The following ESPN variants were observed in gnomAD, a reference collection of about 807,000 sequenced individuals.
ESPN encodes espin, also known as autosomal recessive deafness type 36 protein.
ESPN carries 68 observed loss-of-function variants against 77.7 expected under a neutral mutation model. The ratio of observed to expected loss-of-function variants is 0.87; its 90% CI spans 0.72 to 1.07. ESPN has a LOEUF of 1.07. Ranked by LOEUF, ESPN falls within the 50% of genes least tolerant of loss-of-function variation. ESPN has a pLI of 0.00. For synonymous variants in ESPN, 449 were observed against 567.1 expected (o/e 0.79, Z 2.96); for missense variants, 1,060 against 1,239.0 (o/e 0.86, Z 2.17).
chr1:6,451,687 C>A lies in ESPN; in HGVS notation c.2000C>A (p.Pro667Gln). 27 of 1,613,152 alleles carry A rather than the reference C, an allele frequency of 1.7e-5. No individual in the cohort carries two copies. The highest frequency in any genetic ancestry group is 2.3e-5 in the Non-Finnish European group (27 of 1,179,942). Residue 667 changes from proline (P) to glutamine (Q), a missense_variant, in exon 9 of 13, where the codon CCG becomes CAG. Transcript: ENST00000645284. The surrounding 1 kb of genome is among the most constrained non-coding windows in gnomAD (Gnocchi z 4.3). ...ATTAAGGCAGGCAAGAGCCTGAAGCCGACGCCCCAGAGCAAGGGGCTGACC... is the reference window on the plus strand; with the variant it reads ...ATTAAGGCAGGCAAGAGCCTGAAGCAGACGCCCCAGAGCAAGGGGCTGACC... ...AEIKAGKSLK[P>Q]TPQSKGLTTV...
chr1:6,461,283 G>C (rs997576431), downstream of ESPN: 3 of 974,632 alleles, frequency 3.1e-6, no homozygotes, highest in Admixed American at 6.0e-5. This position sits in a 1 kb window ranked among gnomAD's most constrained non-coding sequence, Gnocchi z 6.3. Flanking sequence ...TGGAGCGATA[G>C]GGGCGAGCAG....
rs1390630229 is a variant in ESPN, at chr1:6,433,207, A to G, written c.488+4788A>G. 7.4e-5 allele frequency among the ~76,000 whole-genome samples: 11 copies of G among 147,718 alleles called. No individual in the cohort carries two copies. In the East Asian group the frequency reaches 8.2e-4, roughly 11 times the overall value. ...TGCCTGTAATCCCAGCACTTTGGGA[A>G]GCTGAGGCGGGCGGATCACGAGGTC... is the stretch of plus-strand genomic sequence containing the variant. On this transcript the variant is annotated intron_variant, in intron 2 of 12. Transcript: ENST00000645284.
chr1:6,425,500 C>T (rs985196139), intron 1 of ESPN, among the ~76,000 whole-genome samples: 19 of 152,208 alleles, frequency 1.2e-4, no homozygotes, highest in African/African-American at 3.9e-4. Flanking sequence ...AAGGGAGGGG[C>T]CTCCGTGGGG....
intron 2 of ESPN, among the ~76,000 whole-genome samples, chr1:6,430,788 G>T (rs572112234): frequency 6.8e-6 from 1 of 147,440 alleles, no homozygotes; most frequent in Non-Finnish European, 1.5e-5. Flanking sequence ...GAAAAAAAAA[G>T]AAAAAAAAAA....
chr1:6,428,176 G>A lies in ESPN; in HGVS notation c.295-50G>A. 6.2e-7 allele frequency: 1 copy of A among 1,602,480 alleles called. No individual in the cohort carries two copies. Among genetic ancestry groups the A allele is most frequent in the Non-Finnish European group, 8.5e-7 (1 of 1,170,558 alleles). On this transcript the variant is annotated intron_variant, in intron 1 of 12. Transcript: ENST00000645284. This position sits in a 1 kb window ranked among gnomAD's most constrained non-coding sequence, Gnocchi z 5.4. Reference sequence around the variant, plus strand: ...GGAGTCTGGGAGTGGCCCAAGCCAGGGGCGGGGCAGCAACAGGCTTTAGGA... The same window carrying A: ...GGAGTCTGGGAGTGGCCCAAGCCAGAGGCGGGGCAGCAACAGGCTTTAGGA...
At chr1:6,441,295 A>C (rs1643628676) in intron 5 of ESPN, among the ~76,000 whole-genome samples, 1 of 152,198 alleles carries the variant, frequency 6.6e-6, no homozygotes, top group African/African-American at 2.4e-5. Flanking sequence ...CCAAGGGGTA[A>C]GGCTGGAGAA....
At chr1:6,457,402 C>A (rs778032621) in intron 12 of ESPN, 30 bp downstream of exon 12, 9 of 1,614,206 alleles carry the variant, frequency 5.6e-6, no homozygotes, top group African/African-American at 1.3e-5. Context: ...CAACCTGCCA[C>A]CCTTATCCCC....
chr1:6,437,496 C>G lies in ESPN; in HGVS notation c.489-2758C>G, dbSNP rs1027564294. The G allele has an allele frequency of 2.0e-5, 3 of 152,254 alleles. No individual in the cohort carries two copies. Among genetic ancestry groups the G allele is most frequent in the African/African-American group, 7.2e-5 (3 of 41,450 alleles). 9.4% of individuals were successfully genotyped at this position (152,254 alleles called of 1,614,324 possible). A position where few individuals can be genotyped will look rare whatever the true frequency, so the allele number is the denominator to read the frequency against. On this transcript the variant is annotated intron_variant, in intron 2 of 12. Coordinates refer to ENST00000645284, the MANE Select transcript of ESPN (RefSeq NM_031475.3). The surrounding 1 kb of genome is among the most constrained non-coding windows in gnomAD (Gnocchi z 4.5). Reference sequence around the variant, plus strand: ...GAAATATTCAACAGCCTGTTCCTGACGCAGCAGCATGTGAGTGTGCGTGGG... The same window carrying G: ...GAAATATTCAACAGCCTGTTCCTGAGGCAGCAGCATGTGAGTGTGCGTGGG...
Position 6,460,194 on chromosome 1 carries a change from G to T in ESPN, c.*48G>T. On this transcript the variant is annotated 3_prime_UTR_variant, in exon 13 of 13. Transcript: ENST00000645284. ...GCCTCGCAGCTCCGTGGGGCCCTCC[G>T]CCCCAGCCCCAGCCAGCCAGGCCCT... 1 of 1,588,432 alleles carries T rather than the reference G, an allele frequency of 6.3e-7. No individual in the cohort carries two copies. The highest frequency in any genetic ancestry group is 8.6e-7 in the Non-Finnish European group (1 of 1,164,332).
At position 6,448,804 on chromosome 1, in the gene ESPN, T is replaced by G. The variant is rs954222909; in HGVS notation, c.1628T>G (p.Val543Gly). ...CCGGGCATGGCGCACAGCGAGGAGG[T>G]GCGTGCCCGCCAGCCCGCGCGCGCC... ...ARPGMAHSEE[V>G]RARQPARAGC... Residue 543 changes from valine (V) to glycine (G), a missense_variant, in exon 8 of 13, where the codon GTG becomes GGG. Physicochemically the swap from Val to Gly is moderately radical, Grantham distance 109. Around this residue, in one of 3 missense-constraint regions of ESPN, gnomAD observed 130 missense variants for 223.9 expected, o/e 0.58. Transcript: ENST00000645284. 31 of 1,296,572 alleles carry G rather than the reference T, an allele frequency of 2.4e-5. 1 individual carries two copies. In the African/African-American group the frequency reaches 4.8e-4, roughly 20 times the overall value. 80.3% of individuals were successfully genotyped at this position (1,296,572 alleles called of 1,614,324 possible).
intron 2 of ESPN, among the ~76,000 whole-genome samples, chr1:6,431,722 G>T (rs1263939447): frequency 2.0e-5 from 3 of 151,910 alleles, no homozygotes; most frequent in African/African-American, 7.3e-5. Context: ...CTGGTGCTGA[G>T]TATCTTCTAG....
At chr1:6,435,536 G>A (rs1443604820) in intron 2 of ESPN, among the ~76,000 whole-genome samples, 2 of 152,242 alleles carry the variant, frequency 1.3e-5, no homozygotes, top group African/African-American at 4.8e-5. Context: ...TCGCCAGGGC[G>A]CCTCTGACCT....
chr1:6,451,931 G>A lies in ESPN; in HGVS notation c.2160G>A (p.Leu720=). Residue 720 remains leucine (L), a synonymous_variant, in exon 10 of 13, where the codon TTG becomes TTA. Transcript: ENST00000645284. The surrounding 1 kb of genome is among the most constrained non-coding windows in gnomAD (Gnocchi z 4.3). The part of the protein sequence containing the change: ...AGFQPLLNGS[L]VPVPPTTPAP... Reference sequence around the variant, plus strand: ...TTCAGCCGCTGCTCAATGGAAGCTTGGTTCCCGTGCCGCCCACTACTCCTG... The same window carrying A: ...TTCAGCCGCTGCTCAATGGAAGCTTAGTTCCCGTGCCGCCCACTACTCCTG... 1 of 1,610,754 alleles carries A rather than the reference G, an allele frequency of 6.2e-7. No homozygotes were observed. Among genetic ancestry groups the A allele is most frequent in the Non-Finnish European group, 8.5e-7 (1 of 1,178,800 alleles).
intron 8 of ESPN, among the ~76,000 whole-genome samples, chr1:6,449,801 G>A (rs1643914210): frequency 6.6e-6 from 1 of 152,134 alleles, no homozygotes; most frequent in Middle Eastern, 3.2e-3. Context: ...GGGTGGGACA[G>A]TGTCCCCCTG....
rs910573398 is a variant in ESPN at position 6,450,593 on chromosome 1, G to A, written c.1916-1010G>A. The A allele has an allele frequency of 9.2e-5, 33 of 357,806 alleles. No homozygotes were observed. The highest frequency in any genetic ancestry group is 1.6e-4 in the East Asian group (1 of 6,100). The allele number at this position is 357,806 out of a possible 1,614,324, so 22.2% of individuals were successfully genotyped here. A position where few individuals can be genotyped will look rare whatever the true frequency, so the allele number is the denominator to read the frequency against. Reference sequence around the variant, plus strand: ...AGGGCAGGGGCAGGGGCTGGCAGGCGAGAGAACCTCGAAGAATGGGTGGGG... The same window carrying A: ...AGGGCAGGGGCAGGGGCTGGCAGGCAAGAGAACCTCGAAGAATGGGTGGGG... On this transcript the variant is annotated intron_variant, in intron 8 of 12. Transcript: ENST00000645284. The surrounding 1 kb of genome is among the most constrained non-coding windows in gnomAD (Gnocchi z 4.3).
chr1:6,428,103 A>G lies in ESPN; in HGVS notation c.295-123A>G, dbSNP rs774326965. 2.1e-5 allele frequency: 22 copies of G among 1,070,496 alleles called. No individual in the cohort carries two copies. The highest frequency in any genetic ancestry group is 9.1e-5 in the South Asian group (7 of 77,038). The allele number at this position is 1,070,496 out of a possible 1,614,324, so 66.3% of individuals were successfully genotyped here. ...AACATTGCTGAATGAGGCCTGGCCA[A>G]TCCCTCCAGGGAAGACAGAGAGCAC... On this transcript the variant is annotated intron_variant, in intron 1 of 12. Transcript: ENST00000645284. The surrounding 1 kb of genome is among the most constrained non-coding windows in gnomAD (Gnocchi z 5.4).
intron 12 of ESPN, among the ~76,000 whole-genome samples, chr1:6,458,565 C>T (rs1431002237): frequency 6.6e-6 from 1 of 151,888 alleles, no homozygotes; most frequent in Non-Finnish European, 1.5e-5. Flanking sequence ...ATCCACCCGC[C>T]TCAGCCTCCC....
At chr1:6,459,685 TTGC>T (rs1323230409) in intron 12 of ESPN, among the ~76,000 whole-genome samples, 19 of 152,152 alleles carry the variant, frequency 1.2e-4, no homozygotes, top group Non-Finnish European at 4.4e-5. Context: ...CCCAGTAATC[TTGC>T]TGCTGCACCC....
In ESPN at chr1:6,450,488, C is replaced by T. The variant is rs898370105; in HGVS notation, c.1916-1115C>T. 6.1e-5 allele frequency: 59 copies of T among 971,818 alleles called. No individual in the cohort carries two copies. Among genetic ancestry groups the T allele is most frequent in the African/African-American group, 7.0e-5 (4 of 56,898 alleles). 60.2% of individuals were successfully genotyped at this position (971,818 alleles called of 1,614,324 possible). A position where few individuals can be genotyped will look rare whatever the true frequency, so the allele number is the denominator to read the frequency against. On this transcript the variant is annotated intron_variant, in intron 8 of 12. Coordinates refer to ENST00000645284, the MANE Select transcript of ESPN (RefSeq NM_031475.3). The surrounding 1 kb of genome is among the most constrained non-coding windows in gnomAD (Gnocchi z 4.3). The stretch of plus-strand genomic sequence containing the variant: ...CAGGAAGAGTGAGTAGCTGCGTGCG[C>T]GGCTCCTGGCTGAGGCTGAGGCGCG...
Sources: allele counts gnomAD v4.1 joint callset (sites outside exome capture counted in the v4.1 genomes callset), GRCh38; gene constraint gnomAD v4.1.1; regional missense constraint gnomAD v4.1.1; non-coding constraint Gnocchi (gnomAD v3.1); transcripts MANE v1.5; gene names NCBI Gene and HGNC (gene_info 2026-07-23, HGNC 2026-07-21).